ATP10B: variants seen among roughly 807,000 people sequenced by gnomAD.
ATP10B encodes the protein ATPase phospholipid transporting 10B (putative).
Under a neutral mutation model 141.2 loss-of-function variants are expected in ATP10B, and 122 were observed. The ratio of observed to expected loss-of-function variants is 0.86; its 90% CI spans 0.75 to 1.00. ATP10B has a LOEUF of 1.00. Ranked by LOEUF, ATP10B falls within the 50% of genes least tolerant of loss-of-function variation. ATP10B has a pLI of 0.00. For synonymous variants in ATP10B, 685 were observed against 692.0 expected (o/e 0.99, Z 0.16); for missense variants, 1,876 against 1,825.3 (o/e 1.03, Z -0.51).
chr5:160,877,618 T>C, the ATP10B span, among the ~76,000 whole-genome samples: 13 of 150,764 alleles, frequency 8.6e-5, no homozygotes, highest in Non-Finnish European at 1.6e-4. Flanking sequence ...GATGACATGA[T>C]TGTATATCTA....
At chr5:160,627,700 G>A (rs1758681757) in intron 13 of ATP10B, among the ~76,000 whole-genome samples, 1 of 152,108 alleles carries the variant, frequency 6.6e-6, no homozygotes, top group Non-Finnish European at 1.5e-5. Flanking sequence ...AATAAAAGAT[G>A]AGGCAGCTCT....
chr5:160,859,263 TAAA>T, the ATP10B span, among the ~76,000 whole-genome samples: 1 of 151,918 alleles, frequency 6.6e-6, no homozygotes, highest in Admixed American at 6.6e-5. Context: ...ATATAGAACT[TAAA>T]AAATATTTTT....
At chr5:160,707,741 C>A (rs776856321) in intron 3 of ATP10B, among the ~76,000 whole-genome samples, 1 of 151,850 alleles carries the variant, frequency 6.6e-6, no homozygotes, top group Non-Finnish European at 1.5e-5. Flanking sequence ...GACCACAAAC[C>A]CACAGAAGCA....
At chr5:160,589,759 C>T in intron 23 of ATP10B, 63 bp from the exon 24 acceptor site, 2 of 1,246,220 alleles carry the variant, frequency 1.6e-6, no homozygotes, top group Non-Finnish European at 2.4e-6. Flanking sequence ...GGCTTTGACA[C>T]AGTGATTATA....
intron 18 of ATP10B, chr5:160,611,986 G>A (rs894082427): frequency 6.6e-6 from 1 of 152,240 alleles, no homozygotes; most frequent in Non-Finnish European, 1.5e-5. Flanking sequence ...TGTGAAAACA[G>A]ATACTTCCCC....
At chr5:160,641,787 C>G (rs1355875659) in intron 9 of ATP10B, among the ~76,000 whole-genome samples, 1 of 152,142 alleles carries the variant, frequency 6.6e-6, no homozygotes, top group Non-Finnish European at 1.5e-5. Context: ...TGAAGAAAAC[C>G]AATACATCAG....
intron 13 of ATP10B, among the ~76,000 whole-genome samples, chr5:160,623,701 C>G (rs2127652548): frequency 6.6e-6 from 1 of 152,304 alleles, no homozygotes; most frequent in African/African-American, 2.4e-5. Flanking sequence ...TTCTCTTGCT[C>G]TGGCTCCTCT....
chr5:160,750,584 G>A (rs1314872526), intron 2 of ATP10B, among the ~76,000 whole-genome samples: 1 of 151,486 alleles, frequency 6.6e-6, no homozygotes, highest in Non-Finnish European at 1.5e-5. Flanking sequence ...ACTTTAGAAT[G>A]TCCCCTCTTT....
chr5:160,578,584 G>A (rs925025638), intron 24 of ATP10B, among the ~76,000 whole-genome samples: 1 of 151,992 alleles, frequency 6.6e-6, no homozygotes, highest in African/African-American at 2.4e-5. Flanking sequence ...TCTTTATCCA[G>A]TCTATCATTG....
At chr5:160,900,600 G>A in the ATP10B span, among the ~76,000 whole-genome samples, 3 of 152,178 alleles carry the variant, frequency 2.0e-5, no homozygotes, top group African/African-American at 7.2e-5. Context: ...GCCATTAGGT[G>A]AAGTATTGTT....
the ATP10B span, among the ~76,000 whole-genome samples, chr5:160,923,814 A>G: frequency 6.6e-6 from 1 of 152,318 alleles, no homozygotes; most frequent in African/African-American, 2.4e-5. Context: ...TAGCACTGAA[A>G]CTATACTTTA....
the ATP10B span, among the ~76,000 whole-genome samples, chr5:160,860,083 CT>C: frequency 3.9e-5 from 6 of 151,932 alleles, no homozygotes; most frequent in Admixed American, 3.3e-4. Context: ...TGAAGATAAT[CT>C]CTTTTTGGGG....
chr5:160,616,102 C>CT (rs33929100), intron 16 of ATP10B, 138 bp from the exon 17 acceptor site: 8 of 887,436 alleles, frequency 9.0e-6, no homozygotes, highest in East Asian at 2.8e-5. Context: ...TTCTCAAAGA[C>CT]TTTTTTTTAA....
intron 1 of ATP10B, among the ~76,000 whole-genome samples, chr5:160,786,324 C>A (rs1771142785): frequency 6.6e-6 from 1 of 152,174 alleles, no homozygotes. Flanking sequence ...TTTGGACCCC[C>A]AGATTTAACT....
intron 2 of ATP10B, among the ~76,000 whole-genome samples, chr5:160,760,465 C>A (rs1239264366): frequency 6.6e-6 from 1 of 152,128 alleles, no homozygotes; most frequent in East Asian, 1.9e-4. Flanking sequence ...GTTCCCCGTT[C>A]TTTTGGATTA....
intron 19 of ATP10B, 68 bp downstream of exon 19, chr5:160,606,697 C>A: frequency 2.6e-6 from 4 of 1,512,560 alleles, no homozygotes; most frequent in Non-Finnish European, 3.6e-6. Context: ...TGACCTCCCA[C>A]CTCTGGTCCA....
intron 16 of ATP10B, among the ~76,000 whole-genome samples, chr5:160,617,223 G>T (rs1758073135): frequency 6.6e-6 from 1 of 152,246 alleles, no homozygotes; most frequent in Non-Finnish European, 1.5e-5. Flanking sequence ...TCCACACTCT[G>T]CAATTCGCAG....
chr5:160,830,833 C>A (rs1389302573), intron 1 of ATP10B, among the ~76,000 whole-genome samples: 1 of 151,984 alleles, frequency 6.6e-6, no homozygotes, highest in Non-Finnish European at 1.5e-5. Flanking sequence ...CTTGTGCTGG[C>A]CTTCAACCTC....
intron 2 of ATP10B, among the ~76,000 whole-genome samples, chr5:160,735,467 AC>A (rs1291846377): frequency 6.6e-6 from 1 of 152,134 alleles, no homozygotes; most frequent in Non-Finnish European, 1.5e-5. Flanking sequence ...ATCTACATGC[AC>A]CCAACACTGG....
Sources: gnomAD v4.1 joint callset for allele counts (sites outside exome capture counted in the v4.1 genomes callset) on GRCh38, gnomAD v4.1.1 for gene constraint, MANE v1.5 for transcripts, NCBI Gene and HGNC (gene_info 2026-07-23, HGNC 2026-07-21) for gene names.